The following EPHA6 variants were observed in gnomAD, a reference collection of about 807,000 sequenced individuals.
The protein encoded by EPHA6 is EPH receptor A6, also known as ephrin type-A receptor 6.
EPHA6 carries 50 observed loss-of-function variants against 112.0 expected under a neutral mutation model. The ratio of observed to expected loss-of-function variants is 0.45; its 90% CI spans 0.36 to 0.56. The LOEUF is 0.56. EPHA6 is among the 20% of genes least tolerant of loss of function. The pLI, the probability that EPHA6 is intolerant of heterozygous loss-of-function variation, is 0.00. For synonymous variants in EPHA6, 529 were observed against 490.7 expected, an observed-to-expected ratio of 1.08 and a Z score of -1.03; for missense variants, 1,280 against 1,417.4, an observed-to-expected ratio of 0.90 and a Z score of 1.56.
At chr3:97,081,318 G>T (rs1376087780) in intron 3 of EPHA6, among the ~76,000 whole-genome samples, 1 of 151,688 alleles carries the variant, frequency 6.6e-6, no homozygotes, top group Non-Finnish European at 1.5e-5. Context: ...ACATGTAAAA[G>T]GATTTTATAA....
intron 2 of EPHA6, among the ~76,000 whole-genome samples, chr3:96,870,115 C>G (rs1220282128): frequency 6.6e-6 from 1 of 152,060 alleles, no homozygotes; most frequent in African/African-American, 2.4e-5. Context: ...GGAAATATAT[C>G]TGTATCTGTT....
chr3:97,446,781 C>T (rs1362786108), intron 6 of EPHA6, among the ~76,000 whole-genome samples: 1 of 152,118 alleles, frequency 6.6e-6, no homozygotes, highest in South Asian at 2.1e-4. Context: ...TTTTTCTCCA[C>T]AATATGTGTT....
At chr3:97,244,671 A>C (rs2078937501) in intron 5 of EPHA6, 1 of 254,034 alleles carries the variant, frequency 3.9e-6, no homozygotes, top group African/African-American at 2.2e-5. Flanking sequence ...CATGTCAAAT[A>C]AAGCAAATAG....
In EPHA6 at chr3:97,284,951, T is replaced by G. The variant is rs2080416449; in HGVS notation, c.1606+40664T>G. 1.3e-5 allele frequency among the ~76,000 whole-genome samples: 2 copies of G among 152,112 alleles called. 1 individual carries two copies. The highest frequency in any genetic ancestry group is 4.1e-4 in the South Asian group (2 of 4,824). On this transcript the variant is annotated intron_variant, in intron 5 of 17. Transcript: ENST00000389672. Reference sequence around the variant, plus strand: ...ATAACTGACATCTTGTATTTTAACATTTTTCTGGTTTATGTGTTTAGCATT... The same window carrying G: ...ATAACTGACATCTTGTATTTTAACAGTTTTCTGGTTTATGTGTTTAGCATT...
intron 2 of EPHA6, among the ~76,000 whole-genome samples, chr3:96,883,389 C>T (rs2037435077): frequency 6.6e-6 from 1 of 152,070 alleles, no homozygotes; most frequent in Non-Finnish European, 1.5e-5. Flanking sequence ...CTGACTGTTC[C>T]CTTTTCCATA....
intron 11 of EPHA6, among the ~76,000 whole-genome samples, chr3:97,535,151 T>C (rs2092745960): frequency 6.6e-6 from 1 of 152,034 alleles, no homozygotes; most frequent in Non-Finnish European, 1.5e-5. Flanking sequence ...TAAGGTATTA[T>C]GTGGTACTTG....
intron 14 of EPHA6, among the ~76,000 whole-genome samples, chr3:97,683,719 C>T (rs2032038441): frequency 6.6e-6 from 1 of 152,080 alleles, no homozygotes; most frequent in African/African-American, 2.4e-5. Flanking sequence ...CCACACAAGG[C>T]CCACGTACTT....
chr3:97,671,268 C>T (rs1190748300), intron 14 of EPHA6, among the ~76,000 whole-genome samples: 1 of 152,120 alleles, frequency 6.6e-6, no homozygotes, highest in Non-Finnish European at 1.5e-5. Flanking sequence ...TCACTTTATC[C>T]AATCATCTCC....
chr3:97,729,786 T>C (rs1226367634), intron 15 of EPHA6, among the ~76,000 whole-genome samples: 2 of 152,048 alleles, frequency 1.3e-5, no homozygotes, highest in Non-Finnish European at 2.9e-5. Flanking sequence ...TCAGTGTTAT[T>C]GTATTATGAA....
At chr3:96,854,095 A>G (rs2035551236) in intron 1 of EPHA6, among the ~76,000 whole-genome samples, 1 of 151,484 alleles carries the variant, frequency 6.6e-6, no homozygotes, top group Admixed American at 6.6e-5. Context: ...GATATTTTAT[A>G]TATTTTCCAA....
At chr3:97,327,158 G>A (rs2082468974) in intron 5 of EPHA6, among the ~76,000 whole-genome samples, 1 of 151,766 alleles carries the variant, frequency 6.6e-6, no homozygotes, top group Non-Finnish European at 1.5e-5. Flanking sequence ...TGCTGAAAGT[G>A]ATAAACAGTA....
At chr3:97,512,009 C>T (rs959789339) in intron 10 of EPHA6, among the ~76,000 whole-genome samples, 90 of 152,050 alleles carry the variant, frequency 5.9e-4, no homozygotes, top group African/African-American at 2.0e-3. Context: ...AGGTGAAACA[C>T]AATATTCTTA....
chr3:97,559,255 C>G (rs2093155932), intron 11 of EPHA6, among the ~76,000 whole-genome samples: 1 of 151,988 alleles, frequency 6.6e-6, no homozygotes, highest in Non-Finnish European at 1.5e-5. Flanking sequence ...TTACCTCACT[C>G]CCATAATTCT....
intron 13 of EPHA6, among the ~76,000 whole-genome samples, chr3:97,620,336 A>T (rs1230032381): frequency 1.3e-5 from 2 of 152,094 alleles, no homozygotes; most frequent in Non-Finnish European, 2.9e-5. Context: ...CCTAGGTAAT[A>T]CCATTCAGGA....
rs566991846 is a variant in EPHA6, at chr3:97,057,007, T to C, written c.1114+69014T>C. ...GAGAAATAGTTTAAGTTTAAAAGGA[T>C]ATATGTGATCATTATTCCTATCTGT... On this transcript the variant is annotated intron_variant, in intron 3 of 17. Transcript: ENST00000389672. Among the ~76,000 whole-genome samples, 4 of 152,348 alleles carry C rather than the reference T, an allele frequency of 2.6e-5. No individual in the cohort carries two copies. In the South Asian group the frequency reaches 8.3e-4, roughly 32 times the overall value.
intron 3 of EPHA6, among the ~76,000 whole-genome samples, chr3:97,054,480 C>T (rs1053471304): frequency 1.3e-5 from 2 of 151,896 alleles, no homozygotes; most frequent in African/African-American, 2.4e-5. Flanking sequence ...ATTTATTTTC[C>T]TCTTTAAAAG....
intron 3 of EPHA6, among the ~76,000 whole-genome samples, chr3:97,003,167 G>A (rs1355069225): frequency 1.3e-5 from 2 of 152,114 alleles, no homozygotes; most frequent in Non-Finnish European, 2.9e-5. Flanking sequence ...GAGTGCAATG[G>A]TGAAATCTCA....
chr3:97,436,118 G>A (rs1002649056), intron 6 of EPHA6, among the ~76,000 whole-genome samples: 3 of 152,032 alleles, frequency 2.0e-5, no homozygotes, highest in Admixed American at 1.3e-4. Flanking sequence ...TAAATCTTGA[G>A]GCACACATTT....
chr3:96,991,723 A>T (rs1449225206), intron 3 of EPHA6, among the ~76,000 whole-genome samples: 1 of 152,210 alleles, frequency 6.6e-6, no homozygotes, highest in Non-Finnish European at 1.5e-5. Flanking sequence ...AGTCCAATAT[A>T]GCATGTTGAA....
Sources: gnomAD v4.1 joint callset for allele counts (sites outside exome capture counted in the v4.1 genomes callset) on GRCh38, gnomAD v4.1.1 for gene constraint, MANE v1.5 for transcripts, NCBI Gene and HGNC (gene_info 2026-07-23, HGNC 2026-07-21) for gene names.